Variants in PAH observed in about 807,000 individuals in gnomAD.
The protein encoded by PAH is phenylalanine-4-hydroxylase.
PAH carries 64 observed loss-of-function variants against 62.0 expected under a neutral mutation model. The observed-to-expected ratio is 1.03, with a 90% CI of 0.84 to 1.27. The LOEUF (loss-of-function observed/expected upper bound fraction) is 1.27. Among genes scored for constraint, PAH ranks in the 50% most tolerant of loss-of-function variants. The pLI, the probability that PAH is intolerant of heterozygous loss-of-function variation, is 0.00. For synonymous variants in PAH, 195 were observed against 196.2 expected, an observed-to-expected ratio of 0.99 and a Z score of 0.05; for missense variants, 579 against 542.8, an observed-to-expected ratio of 1.07 and a Z score of -0.66.
At chr12:102,952,393 CT>C (rs1480903923), upstream of PAH, among the ~76,000 whole-genome samples, 1 of 151,986 alleles carries the variant, frequency 6.6e-6, no homozygotes, top group Non-Finnish European at 1.5e-5. Flanking sequence ...AAGACCTTTA[CT>C]TTATTTTCAT....
At chr12:102,944,792 A>G (rs1179553107) in intron 1 of PAH, among the ~76,000 whole-genome samples, 1 of 152,154 alleles carries the variant, frequency 6.6e-6, no homozygotes, top group Admixed American at 6.5e-5. Flanking sequence ...GTGTTTTTCT[A>G]GATGATCTTG....
At chr12:102,846,095 T>A (rs1184957751) in intron 9 of PAH, among the ~76,000 whole-genome samples, 1 of 152,186 alleles carries the variant, frequency 6.6e-6, no homozygotes, top group African/African-American at 2.4e-5. Flanking sequence ...TTAGTTGCCT[T>A]TGAGATGGGC....
At chr12:102,851,499 C>G (rs1270817913) in intron 8 of PAH, among the ~76,000 whole-genome samples, 188 bp downstream of exon 8, 2 of 152,166 alleles carry the variant, frequency 1.3e-5, no homozygotes, top group African/African-American at 4.8e-5. Context: ...GATTCACCAA[C>G]CCCATGCTTG....
In PAH at chr12:102,907,834, G is replaced by A. The variant is rs573338482; in HGVS notation, c.168+4957C>T. Reference sequence around the variant, plus strand: ...GGGATTCGCCATTTTGGCCAGGCTGGTTTGAACTCCTGGCCTCAAGTGATC... The same window carrying A: ...GGGATTCGCCATTTTGGCCAGGCTGATTTGAACTCCTGGCCTCAAGTGATC... On this transcript the variant is annotated intron_variant, in intron 2 of 12. Transcript: ENST00000553106. 1.5e-3 allele frequency among the ~76,000 whole-genome samples: 232 copies of A among 152,160 alleles called. 1 individual carries two copies. Among genetic ancestry groups the A allele is most frequent in the Non-Finnish European group, 2.9e-3 (196 of 67,996 alleles).
intron 5 of PAH, among the ~76,000 whole-genome samples, chr12:102,855,922 T>C (rs985624963): frequency 6.6e-5 from 10 of 151,862 alleles, no homozygotes; most frequent in Admixed American, 6.6e-4. Context: ...GTTATAAAGG[T>C]ATTTAAATAC....
At chr12:102,858,206 A>C (rs1459081900) in intron 5 of PAH, among the ~76,000 whole-genome samples, 1 of 152,170 alleles carries the variant, frequency 6.6e-6, no homozygotes, top group Non-Finnish European at 1.5e-5. Flanking sequence ...CTTTAAACCA[A>C]CAATGATAAA....
intron 6 of PAH, 194 bp downstream of exon 6, chr12:102,854,942 A>G: frequency 1.5e-6 from 1 of 657,886 alleles, no homozygotes; most frequent in Non-Finnish European, 2.8e-6. Context: ...ATGAAAGTGG[A>G]TAAACACAGT....
At chr12:102,839,535 G>A (rs757525730) in intron 12 of PAH, among the ~76,000 whole-genome samples, 5 of 152,314 alleles carry the variant, frequency 3.3e-5, no homozygotes, top group South Asian at 2.1e-4. Flanking sequence ...TACAAGAAGC[G>A]AAATCATTGA....
In PAH at chr12:102,894,831, G is replaced by C; in HGVS notation, c.256C>G (p.Arg86Gly). ...ATGTTTGTCAGAGCAGGCAGGCTACGTTTATCCAAATGGGTGAAAAATTCA... is the reference window on the plus strand; with the variant it reads ...ATGTTTGTCAGAGCAGGCAGGCTACCTTTATCCAAATGGGTGAAAAATTCA... ...EYEFFTHLDK[R>G]SLPALTNIIK... Residue 86 changes from arginine (R) to glycine (G), a missense_variant, in exon 3 of 13, where the codon CGT becomes GGT. Coordinates refer to ENST00000553106, the MANE Select transcript of PAH (RefSeq NM_000277.3). 1 of 1,613,738 alleles carries C rather than the reference G, an allele frequency of 6.2e-7. No homozygotes were observed. The highest frequency in any genetic ancestry group is 8.5e-7 in the Non-Finnish European group (1 of 1,179,716).
intron 2 of PAH, among the ~76,000 whole-genome samples, chr12:102,897,827 C>T (rs1420281806): frequency 6.6e-6 from 1 of 152,112 alleles, no homozygotes; most frequent in Non-Finnish European, 1.5e-5. Flanking sequence ...TATAATTTGT[C>T]CAAATGCATC....
intron 1 of PAH, chr12:102,946,127 C>T (rs1206726013): frequency 6.6e-6 from 1 of 152,216 alleles, no homozygotes; most frequent in Non-Finnish European, 1.5e-5. Flanking sequence ...AGCTGATATT[C>T]AAGTTGCAAG....
In PAH at chr12:102,871,934, AAAAAAAAAAAAAAAAATAT is replaced by A. The variant is rs1335697254; in HGVS notation, c.442-5290_442-5272del. On this transcript the variant is annotated intron_variant, in intron 4 of 12. Coordinates refer to ENST00000553106, the MANE Select transcript of PAH (RefSeq NM_000277.3). Reference sequence around the variant, plus strand: ...CAAAACTCTGCCTCAAAAAAAAAAAAAAAAAAAAAAAAAAAATATATATATATATATATATATATATATA... The same window carrying A: ...CAAAACTCTGCCTCAAAAAAAAAAAAATATATATATATATATATATATATA... Among the ~76,000 whole-genome samples, 259 of 108,466 alleles carry A rather than the reference AAAAAAAAAAAAAAAAATAT, an allele frequency of 2.4e-3. 2 individuals are homozygous for A. Among genetic ancestry groups the A allele is most frequent in the Admixed American group, 0.013 (129 of 9,592 alleles). The allele number at this position is 108,466 out of a possible 152,430, so 71.2% of individuals were successfully genotyped here. A position where few individuals can be genotyped will look rare whatever the true frequency, so the allele number is the denominator to read the frequency against.
Position 102,844,447 on chromosome 12 carries a change from A to T in PAH, c.970-16T>A, listed in dbSNP as rs1222130556. The T allele has an allele frequency of 1.3e-6, 2 of 1,529,136 alleles. No homozygotes were observed. The highest frequency in any genetic ancestry group is 1.8e-6 in the Non-Finnish European group (2 of 1,103,008). 94.7% of individuals were successfully genotyped at this position (1,529,136 alleles called of 1,614,324 possible). On this transcript the variant is annotated splice_polypyrimidine_tract_variant and intron_variant, in intron 9 of 12. Coordinates refer to ENST00000553106, the MANE Select transcript of PAH (RefSeq NM_000277.3). ...ACCAGTAAATCTGGAATGGAAAGTC[A>T]ATCTGAGAGCACACTCTATGATGGT...
At chr12:102,898,030 G>A (rs1004543219) in intron 2 of PAH, among the ~76,000 whole-genome samples, 3 of 152,120 alleles carry the variant, frequency 2.0e-5, no homozygotes, top group Admixed American at 1.3e-4. Context: ...AGCAACACTT[G>A]GCAAAGTCTA....
intron 2 of PAH, among the ~76,000 whole-genome samples, chr12:102,908,754 A>G (rs1186504848): frequency 6.6e-6 from 1 of 152,112 alleles, no homozygotes; most frequent in African/African-American, 2.4e-5. Flanking sequence ...ACTTTATTCA[A>G]ATTTCTTTAG....
intron 3 of PAH, among the ~76,000 whole-genome samples, chr12:102,893,242 A>G (rs1877352790): frequency 6.6e-6 from 1 of 152,080 alleles, no homozygotes; most frequent in Non-Finnish European, 1.5e-5. Flanking sequence ...TCTATGGAAA[A>G]TACAAAAATT....
chr12:102,904,739 A>C (rs1522307), intron 2 of PAH: 2 of 508,356 alleles, frequency 3.9e-6, no homozygotes, highest in Admixed American at 4.1e-5. Flanking sequence ...TAAAGGTCTC[A>C]TCCGTATTTT....
At chr12:102,877,184 C>T (rs1876602695) in intron 4 of PAH, 2 of 473,934 alleles carry the variant, frequency 4.2e-6, no homozygotes, top group Non-Finnish European at 7.8e-6. Context: ...TGATGATTTG[C>T]ATCTGTGTGT....
upstream of PAH, among the ~76,000 whole-genome samples, chr12:102,954,628 TC>T (rs1360145187): frequency 6.6e-6 from 1 of 152,122 alleles, no homozygotes; most frequent in Non-Finnish European, 1.5e-5. Context: ...TATCTGGAAT[TC>T]CATGGGCCTA....
Sources: allele counts gnomAD v4.1 joint callset (sites outside exome capture counted in the v4.1 genomes callset), GRCh38; gene constraint gnomAD v4.1.1; transcripts MANE v1.5; gene names NCBI Gene and HGNC (gene_info 2026-07-23, HGNC 2026-07-21).